The following RAB31 variants were observed in gnomAD, a reference collection of about 807,000 sequenced individuals.
RAB31 encodes ras-related protein Rab-31.
RAB31 carries 21 observed loss-of-function variants against 25.6 expected under a neutral mutation model. The observed-to-expected ratio is 0.82, with a 90% CI of 0.58 to 1.18. The LOEUF is 1.18. RAB31 is among the 50% of genes most tolerant of loss of function. The probability of loss-of-function intolerance (pLI) is 0.00; values close to 1 mark genes in which losing one functional copy is unlikely to be tolerated. For missense variants in RAB31, 196 were observed against 250.1 expected, an observed-to-expected ratio of 0.78 and a Z score of 1.46; for synonymous variants, 87 against 84.0, an observed-to-expected ratio of 1.04 and a Z score of -0.20.
At chr18:9,769,600 G>A (rs906144258) in intron 1 of RAB31, among the ~76,000 whole-genome samples, 1 of 152,256 alleles carries the variant, frequency 6.6e-6, no homozygotes, top group Non-Finnish European at 1.5e-5. Context: ...TGAGACAATG[G>A]GGTTTTCTAA....
chr18:9,716,458 A>G (rs2068044924), intron 1 of RAB31, among the ~76,000 whole-genome samples: 1 of 152,160 alleles, frequency 6.6e-6, no homozygotes, highest in African/African-American at 2.4e-5. Context: ...ACATTTTAGC[A>G]GGAAGGTAGG....
chr18:9,759,121 A>C (rs1218967856), intron 1 of RAB31, among the ~76,000 whole-genome samples: 2 of 152,146 alleles, frequency 1.3e-5, no homozygotes, highest in East Asian at 3.9e-4. Flanking sequence ...AGGTGGCCTG[A>C]AACATGGCGG....
chr18:9,759,738 C>T (rs931847800), intron 1 of RAB31, among the ~76,000 whole-genome samples: 4 of 152,126 alleles, frequency 2.6e-5, no homozygotes, highest in African/African-American at 9.7e-5. Context: ...TGTTTCCATA[C>T]ATGGTCGGGC....
chr18:9,711,777 C>G (rs1462790147), intron 1 of RAB31, among the ~76,000 whole-genome samples: 5 of 152,230 alleles, frequency 3.3e-5, no homozygotes, highest in Non-Finnish European at 5.9e-5. Flanking sequence ...GTTAGAATCA[C>G]TTTCTGTCGG....
At position 9,847,647 on chromosome 18, in the gene RAB31, G is replaced by A. The variant is rs568707820; in HGVS notation, c.490+1956G>A. 2.0e-4 allele frequency among the ~76,000 whole-genome samples: 31 copies of A among 152,026 alleles called. 1 individual carries two copies. The South Asian group carries it at 4.6e-3, about 22-fold the overall frequency. ...GAGTGCAGTAGTGCAATCATAGCTC[G>A]CTGCAGCCTCCACCTCCTGGGCTCA... On this transcript the variant is annotated intron_variant, in intron 6 of 6. Transcript: ENST00000578921.
chr18:9,790,395 A>T lies in RAB31; in HGVS notation c.120-1759A>T, dbSNP rs78702534. Among the ~76,000 whole-genome samples, 11 of 130,844 alleles carry T rather than the reference A, an allele frequency of 8.4e-5. No individual in the cohort carries two copies. In the East Asian group the frequency reaches 2.0e-3, roughly 23 times the overall value. The allele number at this position is 130,844 out of a possible 152,430, so 85.8% of individuals were successfully genotyped here. On this transcript the variant is annotated intron_variant, in intron 2 of 6. Coordinates refer to ENST00000578921, the MANE Select transcript of RAB31 (RefSeq NM_006868.4). ...CTGTGCCATAATGCTCAGCTGATTT[A>T]AAAAAAAAAATTTTTTTTTTTGTAA...
At chr18:9,817,260 C>G (rs940011779) in intron 5 of RAB31, among the ~76,000 whole-genome samples, 1 of 152,026 alleles carries the variant, frequency 6.6e-6, no homozygotes, top group Non-Finnish European at 1.5e-5. Flanking sequence ...GGAACCGAGT[C>G]TTATGTATTG....
At chr18:9,804,735 A>C (rs2143056008) in intron 3 of RAB31, among the ~76,000 whole-genome samples, 1 of 152,350 alleles carries the variant, frequency 6.6e-6, no homozygotes, top group South Asian at 2.1e-4. Flanking sequence ...TAACAGAGGC[A>C]GCTGGGCTGC....
intron 3 of RAB31, among the ~76,000 whole-genome samples, chr18:9,800,405 A>G (rs1437789280): frequency 6.6e-6 from 1 of 152,194 alleles, no homozygotes; most frequent in Admixed American, 6.5e-5. Flanking sequence ...CTGAAGCTGT[A>G]GAGCTAATGT....
intron 1 of RAB31, among the ~76,000 whole-genome samples, chr18:9,767,178 A>G (rs919228587): frequency 6.6e-6 from 1 of 152,246 alleles, no homozygotes; most frequent in Non-Finnish European, 1.5e-5. Context: ...TGTACATTAT[A>G]GGCAAATCAT....
At chr18:9,787,122 G>T (rs938740173) in intron 2 of RAB31, 9 of 218,352 alleles carry the variant, frequency 4.1e-5, no homozygotes, top group Middle Eastern at 1.0e-3. Context: ...AAGTTGAAAA[G>T]TCTGTCAGCA....
At chr18:9,825,376 C>T (rs1599055521) in intron 5 of RAB31, among the ~76,000 whole-genome samples, 1 of 152,136 alleles carries the variant, frequency 6.6e-6, no homozygotes, top group Non-Finnish European at 1.5e-5. Context: ...CAGGACGCTG[C>T]ATGTCCTTTT....
intron 6 of RAB31, among the ~76,000 whole-genome samples, chr18:9,850,002 C>T (rs539825109): frequency 3.3e-5 from 5 of 152,258 alleles, no homozygotes; most frequent in African/African-American, 4.8e-5. Context: ...GGAAAGTCTC[C>T]GCATGTCTCA....
intron 2 of RAB31, among the ~76,000 whole-genome samples, chr18:9,784,795 C>T (rs971369698): frequency 3.3e-5 from 5 of 151,988 alleles, no homozygotes; most frequent in South Asian, 4.2e-4. Flanking sequence ...TCAAGTGATC[C>T]TCCCCCATCA....
At chr18:9,732,171 A>G (rs2068126219) in intron 1 of RAB31, among the ~76,000 whole-genome samples, 1 of 152,222 alleles carries the variant, frequency 6.6e-6, no homozygotes, top group South Asian at 2.1e-4. Context: ...GGGTTCATCC[A>G]GCATGGGCTC....
chr18:9,772,221 C>G (rs2068348940), intron 1 of RAB31, among the ~76,000 whole-genome samples: 1 of 152,090 alleles, frequency 6.6e-6, no homozygotes, highest in Non-Finnish European at 1.5e-5. Context: ...AGCGCCCCCA[C>G]CGAGAAGATG....
intron 1 of RAB31, among the ~76,000 whole-genome samples, chr18:9,728,218 C>T (rs1599014470): frequency 6.6e-6 from 1 of 152,186 alleles, no homozygotes; most frequent in African/African-American, 2.4e-5. Flanking sequence ...TTAAAAGTCA[C>T]ATAGTGTTCT....
chr18:9,774,876 G>A lies in RAB31; in HGVS notation c.40-402G>A, dbSNP rs113063747. On this transcript the variant is annotated intron_variant, in intron 1 of 6. Transcript: ENST00000578921. Reference sequence around the variant, plus strand: ...GGTGATGCCTAGAGAAACAGATTACGTGTCTTTTGAATGCAAGGTTTTGAA... The same window carrying A: ...GGTGATGCCTAGAGAAACAGATTACATGTCTTTTGAATGCAAGGTTTTGAA... 2.9e-5 allele frequency: 15 copies of A among 519,596 alleles called. 1 individual carries two copies. Among genetic ancestry groups the A allele is most frequent in the African/African-American group, 9.6e-5 (5 of 52,112 alleles). 32.2% of individuals were successfully genotyped at this position (519,596 alleles called of 1,614,324 possible). A position where few individuals can be genotyped will look rare whatever the true frequency, so the allele number is the denominator to read the frequency against.
chr18:9,762,068 A>G (rs2068291994), intron 1 of RAB31, among the ~76,000 whole-genome samples: 1 of 152,146 alleles, frequency 6.6e-6, no homozygotes, highest in African/African-American at 2.4e-5. Flanking sequence ...TCGGCCTCCC[A>G]AAGTGCTAGG....
Sources: gnomAD v4.1 joint callset for allele counts (sites outside exome capture counted in the v4.1 genomes callset) on GRCh38, gnomAD v4.1.1 for gene constraint, MANE v1.5 for transcripts, NCBI Gene and HGNC (gene_info 2026-07-23, HGNC 2026-07-21) for gene names.